STXBP5L: variants seen among roughly 807,000 people sequenced by gnomAD.
STXBP5L encodes the protein syntaxin binding protein 5L, also known as syntaxin-binding protein 5-like.
STXBP5L carries 65 observed loss-of-function variants against 144.5 expected under a neutral mutation model. That is an observed-to-expected ratio of 0.45 (90% CI 0.37 to 0.55). STXBP5L has a LOEUF of 0.55. Ranked by LOEUF, STXBP5L falls within the 20% of genes least tolerant of loss-of-function variation. STXBP5L has a pLI of 0.00. For synonymous variants in STXBP5L, 505 were observed against 469.6 expected, an observed-to-expected ratio of 1.08 and a Z score of -0.97; for missense variants, 1,298 against 1,405.5, an observed-to-expected ratio of 0.92 and a Z score of 1.22.
chr3:121,388,426 A>C (rs979484563), intron 22 of STXBP5L, among the ~76,000 whole-genome samples: 16 of 152,208 alleles, frequency 1.1e-4, no homozygotes, highest in African/African-American at 3.4e-4. Flanking sequence ...CAGAACTTCC[A>C]ACACTATATT....
chr3:121,386,990 A>G (rs369961944), intron 22 of STXBP5L, among the ~76,000 whole-genome samples: 1 of 152,226 alleles, frequency 6.6e-6, no homozygotes, highest in African/African-American at 2.4e-5. Flanking sequence ...ACTGTCTTCC[A>G]TAATGGTTGA....
chr3:120,981,499 G>T (rs957446857), intron 3 of STXBP5L, among the ~76,000 whole-genome samples: 2 of 151,910 alleles, frequency 1.3e-5, no homozygotes, highest in Non-Finnish European at 2.9e-5. Context: ...TCTCTATATT[G>T]TGGTTCCTTT....
At chr3:120,993,222 A>G (rs2107983346) in intron 3 of STXBP5L, among the ~76,000 whole-genome samples, 1 of 152,164 alleles carries the variant, frequency 6.6e-6, no homozygotes, top group African/African-American at 2.4e-5. Context: ...CCTTTGTTAG[A>G]TGGATAGTTT....
intron 10 of STXBP5L, among the ~76,000 whole-genome samples, chr3:121,212,710 T>A (rs2048625526): frequency 6.6e-6 from 1 of 152,190 alleles, no homozygotes; most frequent in South Asian, 2.1e-4. Context: ...CTTTTTTGCT[T>A]CCATATGAAA....
Position 121,245,802 on chromosome 3 carries a change from C to A in STXBP5L, c.1401-4921C>A, listed in dbSNP as rs770428542. 2.0e-5 allele frequency among the ~76,000 whole-genome samples: 3 copies of A among 152,058 alleles called. No homozygotes were observed. In the South Asian group the frequency reaches 6.2e-4, roughly 32 times the overall value. The stretch of plus-strand genomic sequence containing the variant: ...TCAAAATATATGAAGCAAACATTGA[C>A]AAAATTGAAGAAACAAACAGAATAA... On this transcript the variant is annotated intron_variant, in intron 14 of 26. Transcript: ENST00000471454.
At chr3:121,031,285 G>A (rs886487843) in intron 3 of STXBP5L, among the ~76,000 whole-genome samples, 40 of 151,932 alleles carry the variant, frequency 2.6e-4, no homozygotes, top group Admixed American at 2.3e-3. Flanking sequence ...CACAACAATA[G>A]GATGTTTATG....
intron 20 of STXBP5L, among the ~76,000 whole-genome samples, chr3:121,344,828 A>T (rs1387606449): frequency 6.6e-6 from 1 of 151,792 alleles, no homozygotes; most frequent in African/African-American, 2.4e-5. Flanking sequence ...ATAGAGGATA[A>T]CTTAAAAAGT....
intron 9 of STXBP5L, among the ~76,000 whole-genome samples, chr3:121,201,092 C>A (rs1181134733): frequency 2.6e-4 from 40 of 152,144 alleles, no homozygotes; most frequent in Non-Finnish European, 2.1e-4. Flanking sequence ...GTGTTAAATT[C>A]TCCCACTATT....
intron 20 of STXBP5L, among the ~76,000 whole-genome samples, chr3:121,338,649 A>G (rs1441266226): frequency 6.6e-6 from 1 of 151,306 alleles, no homozygotes; most frequent in Non-Finnish European, 1.5e-5. Context: ...AGAAAGAGAG[A>G]AAGAAAAAGA....
intron 5 of STXBP5L, among the ~76,000 whole-genome samples, chr3:121,083,394 G>C (rs1389125068): frequency 1.3e-5 from 2 of 152,110 alleles, no homozygotes; most frequent in Non-Finnish European, 2.9e-5. Flanking sequence ...GGGTGCAGTG[G>C]CTCACGCCTG....
chr3:120,948,636 T>C (rs575003156), intron 2 of STXBP5L, among the ~76,000 whole-genome samples: 6 of 152,122 alleles, frequency 3.9e-5, no homozygotes, highest in Admixed American at 3.3e-4. Flanking sequence ...CTCTTACTTA[T>C]ATGTGAGAAC....
intron 2 of STXBP5L, among the ~76,000 whole-genome samples, chr3:120,943,378 A>G (rs983810499): frequency 4.6e-5 from 7 of 151,702 alleles, no homozygotes; most frequent in Non-Finnish European, 8.9e-5. Flanking sequence ...TATCTTGCCA[A>G]GGTTTATTTT....
At chr3:121,243,466 T>C (rs1448024146) in intron 14 of STXBP5L, among the ~76,000 whole-genome samples, 2 of 151,704 alleles carry the variant, frequency 1.3e-5, no homozygotes, top group Non-Finnish European at 2.9e-5. Flanking sequence ...CATAAGGATA[T>C]GACTAATTTT....
intron 2 of STXBP5L, among the ~76,000 whole-genome samples, chr3:120,922,074 T>C (rs930585044): frequency 4.6e-5 from 7 of 152,104 alleles, no homozygotes; most frequent in Non-Finnish European, 1.0e-4. Flanking sequence ...TTTAACAATA[T>C]TAATTTTTCC....
chr3:121,401,316 A>G (rs1205133811), intron 22 of STXBP5L, among the ~76,000 whole-genome samples: 1 of 152,100 alleles, frequency 6.6e-6, no homozygotes, highest in Non-Finnish European at 1.5e-5. Context: ...TGCAACTAGC[A>G]CTTGTGGAAG....
At chr3:121,272,529 T>G (rs1256762389) in intron 18 of STXBP5L, among the ~76,000 whole-genome samples, 1 of 152,198 alleles carries the variant, frequency 6.6e-6, no homozygotes, top group Non-Finnish European at 1.5e-5. Context: ...GTTAATCTCT[T>G]GTAGGCAGCA....
chr3:120,951,716 A>T (rs1711242770), intron 2 of STXBP5L, among the ~76,000 whole-genome samples: 1 of 151,946 alleles, frequency 6.6e-6, no homozygotes, highest in Non-Finnish European at 1.5e-5. Flanking sequence ...GGGACTGTAA[A>T]CTAGTTCAAC....
At chr3:121,025,669 T>G (rs1945874254) in intron 3 of STXBP5L, among the ~76,000 whole-genome samples, 1 of 151,716 alleles carries the variant, frequency 6.6e-6, no homozygotes, top group South Asian at 2.1e-4. Flanking sequence ...TTCCAATAGT[T>G]TCTGTAAACC....
intron 3 of STXBP5L, among the ~76,000 whole-genome samples, chr3:121,003,773 C>G (rs546850015): frequency 6.6e-6 from 1 of 151,952 alleles, no homozygotes; most frequent in South Asian, 2.1e-4. Flanking sequence ...CTACATATGG[C>G]TAGGCAGTTT....
Sources: gnomAD v4.1 joint callset for allele counts (sites outside exome capture counted in the v4.1 genomes callset) on GRCh38, gnomAD v4.1.1 for gene constraint, MANE v1.5 for transcripts, NCBI Gene and HGNC (gene_info 2026-07-23, HGNC 2026-07-21) for gene names.